The following CNTN6 variants were observed in gnomAD, a reference collection of about 807,000 sequenced individuals.
CNTN6 encodes contactin-6.
A neutral mutation model predicts 122.8 loss-of-function variants in CNTN6; 137 were observed. The observed-to-expected ratio is 1.12, with a 90% CI of 0.97 to 1.29. The LOEUF (loss-of-function observed/expected upper bound fraction) is 1.29. Ranked by LOEUF, CNTN6 falls within the 50% of genes most tolerant of loss-of-function variation. The pLI is 0.00. For missense variants in CNTN6, 1,634 were observed against 1,223.4 expected (o/e 1.34, Z -5.01); for synonymous variants, 570 against 426.0 (o/e 1.34, Z -4.16).
At chr3:1,237,720 G>A (rs919590018) in intron 4 of CNTN6, among the ~76,000 whole-genome samples, 4 of 152,128 alleles carry the variant, frequency 2.6e-5, no homozygotes, top group African/African-American at 4.8e-5. Context: ...AACCCTACAA[G>A]CTAAAAGGGA....
chr3:1,209,897 C>G (rs2094010643), intron 2 of CNTN6, among the ~76,000 whole-genome samples: 1 of 152,180 alleles, frequency 6.6e-6, no homozygotes, highest in South Asian at 2.1e-4. Flanking sequence ...CTCCCACATT[C>G]AGTTAACTGG....
intron 7 of CNTN6, among the ~76,000 whole-genome samples, chr3:1,311,674 A>G (rs1699342226): frequency 2.6e-5 from 4 of 151,386 alleles, no homozygotes; most frequent in African/African-American, 9.7e-5. Context: ...AATCCTTTTT[A>G]TACTTAATTT....
chr3:1,302,691 C>T (rs1221006185), intron 7 of CNTN6, among the ~76,000 whole-genome samples: 1 of 152,086 alleles, frequency 6.6e-6, no homozygotes, highest in African/African-American at 2.4e-5. Context: ...TAGGAAATAT[C>T]ACCCCCTATC....
rs752027829 is a variant in CNTN6, at chr3:1,278,494, C to G, written c.440C>G (p.Pro147Arg). Residue 147 changes from proline (P) to arginine (R), a missense_variant, in exon 5 of 23, where the codon CCG (proline) becomes CGG (arginine). By Grantham distance (103) the Pro-to-Arg change is moderately radical. Coordinates refer to ENST00000446702, the MANE Select transcript of CNTN6 (RefSeq NM_001289080.2). ...GGTGTGGTGCTTCTCTGTGGCCCAC[C>G]GCCACATTTTGGAGGTATGATGGGG... Reference protein sequence around the residue: ...GQGVVLLCGPPPHFGDLSYAW... With the variant: ...GQGVVLLCGPRPHFGDLSYAW... 6.2e-7 allele frequency: 1 copy of G among 1,610,848 alleles called. No individual in the cohort carries two copies. The highest frequency in any genetic ancestry group is 8.5e-7 in the Non-Finnish European group (1 of 1,177,798).
intron 4 of CNTN6, among the ~76,000 whole-genome samples, chr3:1,233,639 G>A (rs1380870395): frequency 2.7e-5 from 4 of 148,944 alleles, no homozygotes; most frequent in Non-Finnish European, 5.9e-5. Flanking sequence ...GGAGGCTGAG[G>A]CAGGAGAATC....
chr3:1,334,048 AAG>A (rs2126013425), intron 11 of CNTN6, among the ~76,000 whole-genome samples: 2 of 152,236 alleles, frequency 1.3e-5, no homozygotes, highest in East Asian at 3.9e-4. Context: ...TGGCTGTTTT[AAG>A]AGTTCTGTTC....
chr3:1,206,023 G>A (rs1335750866), intron 2 of CNTN6, among the ~76,000 whole-genome samples: 1 of 152,214 alleles, frequency 6.6e-6, no homozygotes, highest in Non-Finnish European at 1.5e-5. Context: ...TCTTTACATT[G>A]TTGCAAAGTA....
intron 1 of CNTN6, among the ~76,000 whole-genome samples, chr3:1,115,674 C>T (rs2091689754): frequency 6.6e-6 from 1 of 152,176 alleles, no homozygotes; most frequent in African/African-American, 2.4e-5. Flanking sequence ...ATTGCTTGAA[C>T]CCGGGAGGCA....
Position 1,327,588 on chromosome 3 carries a change from T to C in CNTN6, c.1213+2T>C, listed in dbSNP as rs756659165. On this transcript the variant is annotated splice_donor_variant, in intron 10 of 22. Transcript: ENST00000446702. LOFTEE classifies it high-confidence loss of function. ...CAAATGCTGAATTGAGAGTTTTAGG[T>C]AAGTCGTTTATTTACAACCAACAAA... is the stretch of plus-strand genomic sequence containing the variant. 5.0e-6 allele frequency: 8 copies of C among 1,608,862 alleles called. No homozygotes were observed. In the East Asian group the frequency reaches 1.6e-4, roughly 32 times the overall value.
chr3:1,144,682 G>A (rs1199403020), intron 1 of CNTN6, among the ~76,000 whole-genome samples: 4 of 138,200 alleles, frequency 2.9e-5, no homozygotes, highest in African/African-American at 1.0e-4. Flanking sequence ...ATACAAACAG[G>A]ACTAGGCAAA....
intron 2 of CNTN6, among the ~76,000 whole-genome samples, chr3:1,203,148 C>T (rs1320741655): frequency 2.0e-5 from 3 of 152,102 alleles, no homozygotes; most frequent in African/African-American, 7.2e-5. Flanking sequence ...AGAAAATATA[C>T]ATTTATTTCT....
chr3:1,375,373 C>G (rs1559960504), intron 16 of CNTN6, among the ~76,000 whole-genome samples: 1 of 152,020 alleles, frequency 6.6e-6, no homozygotes, highest in Non-Finnish European at 1.5e-5. Context: ...GAGTCAAACT[C>G]TACTAACTGA....
At chr3:1,124,033 A>G (rs941521838) in intron 1 of CNTN6, among the ~76,000 whole-genome samples, 4 of 151,952 alleles carry the variant, frequency 2.6e-5, no homozygotes, top group African/African-American at 9.7e-5. Flanking sequence ...TCCTGGGACA[A>G]ATCCCGATTG....
At position 1,143,315 on chromosome 3, in the gene CNTN6, G is replaced by A. The variant is rs9820502; in HGVS notation, c.-82-4612G>A. ...TTCATGCAAGAAAAAGTAAATACAC[G>A]TTAGTTTATGAACCAAGATACTCAC... On this transcript the variant is annotated intron_variant, in intron 1 of 22. Transcript: ENST00000446702. Among the ~76,000 whole-genome samples the A allele has an allele frequency of 9.1e-3, 1,377 of 152,114 alleles. 18 individuals carry two copies. The highest frequency in any genetic ancestry group is 0.031 in the African/African-American group (1,294 of 41,502).
chr3:1,096,155 A>G (rs1275930048), intron 1 of CNTN6, among the ~76,000 whole-genome samples: 1 of 152,088 alleles, frequency 6.6e-6, no homozygotes, highest in Non-Finnish European at 1.5e-5. Flanking sequence ...CCCTTCCTGT[A>G]CTGAAAGTTG....
Position 1,321,795 on chromosome 3 carries a change from C to T in CNTN6, c.907C>T (p.Arg303Ter), listed in dbSNP as rs1036885374. The part of the protein sequence containing the change: ...GFYECIASNL[R>*]GRNLAKGQLI... ...TTATGAGTGCATTGCAAGCAACCTT[C>T]GAGGAAGAAACCTTGCAAAGGGTCA... The change falls in exon 8 of 23, where the codon CGA (arginine) becomes TGA (stop). Residue 303 changes from arginine to a stop codon, truncating the protein, a stop_gained. Coordinates refer to ENST00000446702, the MANE Select transcript of CNTN6 (RefSeq NM_001289080.2). LOFTEE classifies it high-confidence loss of function. 4 of 1,609,228 alleles carry T rather than the reference C, an allele frequency of 2.5e-6. No homozygotes were observed. The highest frequency in any genetic ancestry group is 3.4e-5 in the Admixed American group (2 of 59,414).
intron 3 of CNTN6, among the ~76,000 whole-genome samples, chr3:1,221,517 C>A (rs1178383207): frequency 1.3e-5 from 2 of 151,836 alleles, no homozygotes; most frequent in Non-Finnish European, 2.9e-5. Flanking sequence ...AGCTATGTAC[C>A]CTCTAAGGCA....
chr3:1,127,473 T>G (rs1352950342), intron 1 of CNTN6, among the ~76,000 whole-genome samples: 2 of 151,886 alleles, frequency 1.3e-5, no homozygotes, highest in African/African-American at 4.8e-5. Flanking sequence ...CAGAATTACA[T>G]GTAAACGCAT....
chr3:1,274,704 C>A (rs7625523), intron 4 of CNTN6, among the ~76,000 whole-genome samples: 41,850 of 151,850 alleles, frequency 0.28, 5,980 homozygotes, highest in South Asian at 0.45. Context: ...CTGGAACTAG[C>A]ATGTGATATT....
Sources: allele counts gnomAD v4.1 joint callset (sites outside exome capture counted in the v4.1 genomes callset), GRCh38; gene constraint gnomAD v4.1.1; transcripts MANE v1.5; gene names NCBI Gene and HGNC (gene_info 2026-07-23, HGNC 2026-07-21).